Variants in PCDH15 observed in about 807,000 individuals in gnomAD.
The protein encoded by PCDH15 is protocadherin related 15, also known as protocadherin-15.
In PCDH15, 129 loss-of-function variants were observed where a neutral mutation model predicts 178.5. The observed-to-expected ratio is 0.72, with a 90% CI of 0.63 to 0.84. The LOEUF (loss-of-function observed/expected upper bound fraction) is 0.84, where lower values mean the gene tolerates loss of function less well. Among genes scored for constraint, PCDH15 ranks in the 40% least tolerant of loss-of-function variants. PCDH15 has a pLI of 0.00. For missense variants in PCDH15, 2,230 were observed against 2,099.9 expected, an observed-to-expected ratio of 1.06 and a Z score of -1.21; for synonymous variants, 800 against 732.0, an observed-to-expected ratio of 1.09 and a Z score of -1.50.
At chr10:54,198,035 C>T (rs909277361) in intron 10 of PCDH15, among the ~76,000 whole-genome samples, 1 of 152,014 alleles carries the variant, frequency 6.6e-6, no homozygotes, top group African/African-American at 2.4e-5. Context: ...TCAAATTAGC[C>T]CATGGCACAA....
intron 8 of PCDH15, among the ~76,000 whole-genome samples, chr10:54,301,146 C>T (rs2060128289): frequency 6.6e-6 from 1 of 152,160 alleles, no homozygotes; most frequent in Non-Finnish European, 1.5e-5. Flanking sequence ...GTAACACTCA[C>T]TGTGAAGGTC....
At chr10:54,642,379 T>TA (rs1337345381) in intron 2 of PCDH15, among the ~76,000 whole-genome samples, 4 of 152,224 alleles carry the variant, frequency 2.6e-5, no homozygotes, top group Non-Finnish European at 4.4e-5. Flanking sequence ...AGTGCTATGT[T>TA]ATAGCAACCT....
At chr10:54,473,429 A>G (rs1373022545) in intron 3 of PCDH15, among the ~76,000 whole-genome samples, 2 of 152,046 alleles carry the variant, frequency 1.3e-5, no homozygotes, top group East Asian at 1.9e-4. Context: ...AAAAAATTTA[A>G]TGGTCATTTT....
In PCDH15 at chr10:54,132,868, A is replaced by G; in HGVS notation, c.1917+7T>C. On this transcript the variant is annotated splice_region_variant and intron_variant, in intron 15 of 37. Transcript: ENST00000644397. The stretch of plus-strand genomic sequence containing the variant: ...ACACACACACACACACACACCAAGG[A>G]ACATACCTGTAGATTTAATAAAACA... 6.2e-7 allele frequency: 1 copy of G among 1,606,272 alleles called. No individual in the cohort carries two copies. The highest frequency in any genetic ancestry group is 1.3e-5 in the African/African-American group (1 of 74,658).
In PCDH15 at chr10:54,378,861, T is replaced by C; in HGVS notation, c.239A>G (p.Asn80Ser). 1 of 1,613,874 alleles carries C rather than the reference T, an allele frequency of 6.2e-7. No homozygotes were observed. The highest frequency in any genetic ancestry group is 8.5e-7 in the Non-Finnish European group (1 of 1,179,862). ...ATCCATCAACACCCAGTAATCCACA[T>C]TATCCTTTAAAGAAAGTTCTATGGT... ...DPTIELSLKD[N>S]VDYWVLMDPV... Residue 80 changes from asparagine to serine, a missense_variant, in exon 4 of 38, where the codon AAT becomes AGT. Physicochemically the swap from Asn to Ser is conservative, Grantham distance 46. Coordinates refer to ENST00000644397, the MANE Select transcript of PCDH15 (RefSeq NM_001384140.1).
chr10:54,713,399 C>T lies in PCDH15; in HGVS notation c.-28-49109G>A, dbSNP rs147790645. On this transcript the variant is annotated intron_variant, in intron 1 of 37. Coordinates refer to ENST00000644397, the MANE Select transcript of PCDH15 (RefSeq NM_001384140.1). ...GAGGAATATATTTAGGTAAATAAAACTTGTACAGGTTGGAGAACAATATTC... is the reference window on the plus strand; with the variant it reads ...GAGGAATATATTTAGGTAAATAAAATTTGTACAGGTTGGAGAACAATATTC... Among the ~76,000 whole-genome samples the T allele has an allele frequency of 2.6e-3, 390 of 152,154 alleles. 1 individual carries two copies. Among genetic ancestry groups the T allele is most frequent in the African/African-American group, 8.8e-3 (365 of 41,550 alleles).
At chr10:53,918,816 A>G (rs984253628) in intron 25 of PCDH15, among the ~76,000 whole-genome samples, 1 of 152,102 alleles carries the variant, frequency 6.6e-6, no homozygotes, top group African/African-American at 2.4e-5. Context: ...CGGCAAAATT[A>G]GTGGTTTAAA....
chr10:54,554,260 AG>A (rs2086926082), intron 2 of PCDH15, among the ~76,000 whole-genome samples: 1 of 152,128 alleles, frequency 6.6e-6, no homozygotes, highest in African/African-American at 2.4e-5. Context: ...TGCCTCTTAA[AG>A]TTAAGTCCTC....
At chr10:55,529,417 T>C (rs890891134) in intron 2 of PCDH15, among the ~76,000 whole-genome samples, 3 of 151,850 alleles carry the variant, frequency 2.0e-5, no homozygotes, top group Non-Finnish European at 2.9e-5. Flanking sequence ...AGTCCTGCTA[T>C]GTTGCTCAGG....
At chr10:55,441,408 C>T (rs1839181121) in intron 2 of PCDH15, among the ~76,000 whole-genome samples, 1 of 152,046 alleles carries the variant, frequency 6.6e-6, no homozygotes, top group Admixed American at 6.6e-5. Flanking sequence ...TTGTCTGTTA[C>T]AGACACTGGA....
intron 2 of PCDH15, among the ~76,000 whole-genome samples, chr10:55,601,864 T>C (rs1843087765): frequency 6.6e-6 from 1 of 152,056 alleles, no homozygotes; most frequent in East Asian, 1.9e-4. Flanking sequence ...AGTTATAAAA[T>C]ACACACACAC....
chr10:54,161,827 G>T (rs768235481), intron 13 of PCDH15, among the ~76,000 whole-genome samples: 1 of 151,838 alleles, frequency 6.6e-6, no homozygotes, highest in Non-Finnish European at 1.5e-5. Context: ...TTTTTTCCCT[G>T]CTATATAAAC....
chr10:54,975,468 G>T (rs1839047313), intron 2 of PCDH15, among the ~76,000 whole-genome samples: 1 of 152,162 alleles, frequency 6.6e-6, no homozygotes, highest in Non-Finnish European at 1.5e-5. Context: ...CCGTAGATGT[G>T]TGAACTGACT....
chr10:54,925,363 A>T lies in PCDH15; in HGVS notation c.-79-27863T>A, dbSNP rs75758818. Among the ~76,000 whole-genome samples the T allele has an allele frequency of 7.8e-4, 118 of 152,076 alleles. 3 individuals are homozygous for T. The East Asian group carries it at 0.018, about 23-fold the overall frequency. ...TTACTGTAGCCTTGTTGTATATATT[A>T]AAGTTAGGTAGTATAATGCCTCCAA... is the stretch of plus-strand genomic sequence containing the variant. On this transcript the variant is annotated intron_variant, in intron 2 of 5. Coordinates refer to the PCDH15 transcript ENST00000458638.
chr10:55,131,985 C>A (rs1838061758), intron 2 of PCDH15, among the ~76,000 whole-genome samples: 1 of 152,132 alleles, frequency 6.6e-6, no homozygotes, highest in African/African-American at 2.4e-5. Flanking sequence ...CCACCATAAA[C>A]CCATTGTCCA....
chr10:53,881,315 G>T (rs1211278762), intron 26 of PCDH15, among the ~76,000 whole-genome samples: 1 of 152,104 alleles, frequency 6.6e-6, no homozygotes, highest in Non-Finnish European at 1.5e-5. Flanking sequence ...AGGTGGGAGG[G>T]TGGGAGAGGG....
chr10:54,811,902 A>G (rs929765595), intron 3 of PCDH15, among the ~76,000 whole-genome samples: 1 of 152,220 alleles, frequency 6.6e-6, no homozygotes, highest in African/African-American at 2.4e-5. Context: ...GGCAGTTTTA[A>G]AACTCTTCTA....
At chr10:54,166,934 C>T (rs999807952) in intron 13 of PCDH15, among the ~76,000 whole-genome samples, 2 of 152,200 alleles carry the variant, frequency 1.3e-5, no homozygotes, top group Non-Finnish European at 2.9e-5. Flanking sequence ...AACCCCACTC[C>T]TGCCCGCCAG....
chr10:55,375,162 C>T (rs1845589979), intron 2 of PCDH15, among the ~76,000 whole-genome samples: 1 of 152,108 alleles, frequency 6.6e-6, no homozygotes, highest in African/African-American at 2.4e-5. Flanking sequence ...TTTGCCACAG[C>T]AAGTACTAAG....
Sources: allele counts gnomAD v4.1 joint callset (sites outside exome capture counted in the v4.1 genomes callset), GRCh38; gene constraint gnomAD v4.1.1; transcripts MANE v1.5; gene names NCBI Gene and HGNC (gene_info 2026-07-23, HGNC 2026-07-21).